IFT80: variants seen among roughly 807,000 people sequenced by gnomAD.
The protein encoded by IFT80 is intraflagellar transport protein 80 homolog.
Under a neutral mutation model 107.9 loss-of-function variants are expected in IFT80, and 79 were observed. That is an observed-to-expected ratio of 0.73 (90% confidence interval 0.61 to 0.88). The LOEUF (loss-of-function observed/expected upper bound fraction) is 0.88, where lower values mean the gene tolerates loss of function less well. Ranked by LOEUF, IFT80 falls within the 40% of genes least tolerant of loss-of-function variation. The probability of loss-of-function intolerance (pLI) is 0.00; values close to 1 mark genes in which losing one functional copy is unlikely to be tolerated. For synonymous variants in IFT80, 299 were observed against 300.9 expected (o/e 0.99, Z 0.07); for missense variants, 797 against 914.2 (o/e 0.87, Z 1.65).
At chr3:160,259,417 CT>C (rs1239320339) in intron 19 of IFT80, among the ~76,000 whole-genome samples, 1 of 152,144 alleles carries the variant, frequency 6.6e-6, no homozygotes, top group Admixed American at 6.5e-5. Flanking sequence ...GCAGTTTCCA[CT>C]GGAAGCCTAG....
intron 7 of IFT80, among the ~76,000 whole-genome samples, chr3:160,356,761 CCCTACTG>C (rs1310154597): frequency 4.6e-5 from 7 of 152,124 alleles, no homozygotes; most frequent in African/African-American, 1.7e-4. Flanking sequence ...TCTCAAGTAA[CCCTACTG>C]CCTTGGCCTC....
Position 160,268,456 on chromosome 3 carries a change from C to T in IFT80, c.2180G>A (p.Gly727Asp), listed in dbSNP as rs1177670802. The T allele has an allele frequency of 3.7e-6, 6 of 1,613,396 alleles. No individual in the cohort carries two copies. Among genetic ancestry groups the T allele is most frequent in the Non-Finnish European group, 5.1e-6 (6 of 1,179,464 alleles). ...GTATCGTTTATTAGTTTCCTGTTTA[C>T]CAAATGTCTCCAAAAACTTTTGACG... ...AYRQKFLETFGKQETNKRYLH... is the reference protein window; with the variant it reads ...AYRQKFLETFDKQETNKRYLH... Residue 727 changes from glycine to aspartate, a missense_variant, in exon 19 of 20, where the codon GGT becomes GAT. By Grantham distance (94) the Gly-to-Asp change is moderately conservative (BLOSUM62 -1). Coordinates refer to ENST00000326448, the MANE Select transcript of IFT80 (RefSeq NM_020800.3).
At chr3:160,374,477 T>C (rs1294332216) in intron 5 of IFT80, among the ~76,000 whole-genome samples, 3 of 151,988 alleles carry the variant, frequency 2.0e-5, no homozygotes, top group Non-Finnish European at 4.4e-5. Context: ...GATGGGCTTT[T>C]AGAATTTCTC....
chr3:160,257,096 T>C lies in IFT80; in HGVS notation c.*1429A>G, dbSNP rs1167228430. On this transcript the variant is annotated 3_prime_UTR_variant, in exon 20 of 20. Coordinates refer to ENST00000326448, the MANE Select transcript of IFT80 (RefSeq NM_020800.3). ...ACATTTTAAGCTTCTTATTGAAATA[T>C]AACAATATAGGAAACACATACACAG... 6.6e-6 allele frequency: 1 copy of C among 152,168 alleles called. No individual in the cohort carries two copies. Among genetic ancestry groups the C allele is most frequent in the Non-Finnish European group, 1.5e-5 (1 of 68,020 alleles). The allele number at this position is 152,168 out of a possible 1,614,324, so 9.4% of individuals were successfully genotyped here. A position where few individuals can be genotyped will look rare whatever the true frequency, so the allele number is the denominator to read the frequency against.
chr3:160,318,913 C>T (rs1254118272), intron 9 of IFT80, among the ~76,000 whole-genome samples: 2 of 151,956 alleles, frequency 1.3e-5, no homozygotes, highest in Non-Finnish European at 2.9e-5. Context: ...GTGAGAGGTG[C>T]CCTCCCTATA....
intron 8 of IFT80, among the ~76,000 whole-genome samples, chr3:160,351,025 G>A (rs1720659621): frequency 6.6e-6 from 1 of 151,722 alleles, no homozygotes. Flanking sequence ...ATTTGAAAAT[G>A]TACATTTTTT....
intron 8 of IFT80, among the ~76,000 whole-genome samples, chr3:160,322,859 C>T (rs574482750): frequency 6.6e-6 from 1 of 152,228 alleles, no homozygotes; most frequent in East Asian, 1.9e-4. Context: ...TGTTCATATC[C>T]TTTCCCCACT....
chr3:160,363,187 A>C (rs978970867), intron 6 of IFT80, among the ~76,000 whole-genome samples: 1 of 152,232 alleles, frequency 6.6e-6, no homozygotes, highest in Admixed American at 6.5e-5. Context: ...ATACAAAATC[A>C]GTATGCAAAA....
chr3:160,385,615 T>C (rs374391129), intron 1 of IFT80, among the ~76,000 whole-genome samples: 2 of 152,214 alleles, frequency 1.3e-5, no homozygotes, highest in African/African-American at 2.4e-5. Context: ...CAAAGCACTC[T>C]TTTCACTTCT....
At chr3:160,326,211 T>C (rs1463541374) in intron 8 of IFT80, among the ~76,000 whole-genome samples, 4 of 152,160 alleles carry the variant, frequency 2.6e-5, no homozygotes, top group African/African-American at 7.2e-5. Flanking sequence ...TAAAACAATA[T>C]AATCAAAACC....
At chr3:160,258,916 G>A (rs957722221) in intron 19 of IFT80, among the ~76,000 whole-genome samples, 2 of 151,978 alleles carry the variant, frequency 1.3e-5, no homozygotes, top group African/African-American at 4.8e-5. Context: ...GGGCAACATG[G>A]CAAAGTTCCG....
intron 18 of IFT80, among the ~76,000 whole-genome samples, chr3:160,275,590 G>A (rs939556016): frequency 2.6e-5 from 4 of 151,960 alleles, no homozygotes; most frequent in East Asian, 1.9e-4. Flanking sequence ...TAATGACAAC[G>A]AAATGGAATT....
At chr3:160,268,597 A>G in intron 18 of IFT80, 61 bp from the exon 19 acceptor site, 1 of 1,517,296 alleles carries the variant, frequency 6.6e-7, no homozygotes, top group Non-Finnish European at 9.1e-7. Flanking sequence ...TGAGTAGTAG[A>G]GTTCTGGAGT....
intron 5 of IFT80, among the ~76,000 whole-genome samples, chr3:160,371,394 C>T (rs1277797840): frequency 2.0e-5 from 3 of 152,188 alleles, no homozygotes; most frequent in African/African-American, 7.2e-5. Flanking sequence ...CCACCAACAG[C>T]ACCTTAAGCA....
At position 160,356,081 on chromosome 3, in the gene IFT80, A is replaced by G; in HGVS notation, c.709T>C (p.Trp237Arg). ...GCAAATAATTCTCCATCTGGAGCCC[A>G]GGCAACTGAAGTAATGGGATGCTCA... ...PHEHPITSVA[W>R]APDGELFAVG... The change falls in exon 8 of 20, where the codon TGG becomes CGG. Residue 237 changes from tryptophan to arginine, a missense_variant. By Grantham distance (101) the Trp-to-Arg change is moderately radical. Transcript: ENST00000326448. The G allele has an allele frequency of 1.2e-6, 2 of 1,614,166 alleles. No individual in the cohort carries two copies. Among genetic ancestry groups the G allele is most frequent in the Non-Finnish European group, 8.5e-7 (1 of 1,179,976 alleles).
rs2108189824 is a variant in IFT80, at chr3:160,258,642, TA to T, written c.2224-8del. 1 of 1,574,712 alleles carries T rather than the reference TA, an allele frequency of 6.4e-7. No homozygotes were observed. The highest frequency in any genetic ancestry group is 8.6e-7 in the Non-Finnish European group (1 of 1,166,854). On this transcript the variant is annotated splice_region_variant and splice_polypyrimidine_tract_variant and intron_variant, in intron 19 of 19. Coordinates refer to ENST00000326448, the MANE Select transcript of IFT80 (RefSeq NM_020800.3). ...TCTCCCAATCTATTTGGAGCTGCAA[TA>T]GAAAAAAAAAAGAAGAAATATGCTT...
At chr3:160,380,621 T>C (rs1216251862) in intron 3 of IFT80, among the ~76,000 whole-genome samples, 1 of 152,102 alleles carries the variant, frequency 6.6e-6, no homozygotes, top group African/African-American at 2.4e-5. Context: ...GTACTCCTAA[T>C]TGAAACAGCA....
At position 160,257,378 on chromosome 3, in the gene IFT80, G is replaced by A. The variant is rs1712448658; in HGVS notation, c.*1147C>T. On this transcript the variant is annotated 3_prime_UTR_variant, in exon 20 of 20. Transcript: ENST00000326448. Reference sequence around the variant, plus strand: ...CTATAATGTACCATTTTCAGAAATGGGTTTGCAGAAGACTTTCTAAGGGGT... The same window carrying A: ...CTATAATGTACCATTTTCAGAAATGAGTTTGCAGAAGACTTTCTAAGGGGT... 1 of 151,658 alleles carries A rather than the reference G, an allele frequency of 6.6e-6. No homozygotes were observed. The allele number at this position is 151,658 out of a possible 1,614,324, so 9.4% of individuals were successfully genotyped here.
chr3:160,363,271 C>T (rs181503528), intron 6 of IFT80, among the ~76,000 whole-genome samples: 1 of 152,258 alleles, frequency 6.6e-6, no homozygotes, highest in African/African-American at 2.4e-5. Context: ...ACAATTGCTA[C>T]ACAGATACTA....
Sources: allele counts gnomAD v4.1 joint callset (sites outside exome capture counted in the v4.1 genomes callset), GRCh38; gene constraint gnomAD v4.1.1; transcripts MANE v1.5; gene names NCBI Gene and HGNC (gene_info 2026-07-23, HGNC 2026-07-21).